The following ZBTB7C variants were observed in gnomAD, a reference collection of about 807,000 sequenced individuals.
The protein encoded by ZBTB7C is zinc finger and BTB domain-containing protein 7C.
In ZBTB7C, 8 loss-of-function variants were observed where a neutral mutation model predicts 25.7. The ratio of observed to expected loss-of-function variants is 0.31; its 90% CI spans 0.18 to 0.56. The LOEUF (loss-of-function observed/expected upper bound fraction) is 0.56, where lower values mean the gene tolerates loss of function less well. Among genes scored for constraint, ZBTB7C ranks in the 20% least tolerant of loss-of-function variants. The pLI is 0.91. For synonymous variants in ZBTB7C, 394 were observed against 369.0 expected, an observed-to-expected ratio of 1.07 and a Z score of -0.78; for missense variants, 824 against 855.2, an observed-to-expected ratio of 0.96 and a Z score of 0.46.
chr18:48,403,427 AT>A (rs1214804589), intron 1 of ZBTB7C, among the ~76,000 whole-genome samples: 1 of 152,230 alleles, frequency 6.6e-6, no homozygotes, highest in East Asian at 1.9e-4. Flanking sequence ...AACAAGCTTC[AT>A]TTCTGCCTCT....
chr18:48,093,663 A>T (rs1422610550), intron 3 of ZBTB7C, among the ~76,000 whole-genome samples: 2 of 152,178 alleles, frequency 1.3e-5, no homozygotes, highest in Admixed American at 1.3e-4. Context: ...TAACCACAGG[A>T]GTTCATAGAA....
intron 1 of ZBTB7C, among the ~76,000 whole-genome samples, chr18:48,368,336 G>A (rs1174213128): frequency 2.0e-5 from 3 of 151,314 alleles, no homozygotes; most frequent in Admixed American, 2.0e-4. Context: ...TGATGAGCTC[G>A]ATAGCCAAAT....
intron 1 of ZBTB7C, among the ~76,000 whole-genome samples, chr18:48,384,296 C>T (rs1275144455): frequency 1.3e-5 from 2 of 152,338 alleles, no homozygotes; most frequent in East Asian, 3.9e-4. Context: ...GCAAGCATAG[C>T]TTTAAGACAA....
At chr18:48,347,228 C>T (rs1369979945) in intron 1 of ZBTB7C, among the ~76,000 whole-genome samples, 1 of 132,474 alleles carries the variant, frequency 7.5e-6, no homozygotes, top group Non-Finnish European at 1.7e-5. Flanking sequence ...GCCACGGCCT[C>T]CCAAGTAGCT....
intron 1 of ZBTB7C, among the ~76,000 whole-genome samples, chr18:48,369,944 T>C (rs2145155061): frequency 6.6e-6 from 1 of 152,312 alleles, no homozygotes; most frequent in African/African-American, 2.4e-5. Flanking sequence ...AGAATATGCA[T>C]TATTCTCAGG....
chr18:48,232,236 G>A (rs7242682), intron 2 of ZBTB7C, among the ~76,000 whole-genome samples: 2,558 of 152,306 alleles, frequency 0.017, 28 homozygotes, highest in South Asian at 0.038. Flanking sequence ...TTGGAGTGGT[G>A]CATCCATCAG....
intron 3 of ZBTB7C, among the ~76,000 whole-genome samples, chr18:48,063,024 A>G (rs2037182280): frequency 6.6e-6 from 1 of 152,186 alleles, no homozygotes; most frequent in Admixed American, 6.5e-5. Flanking sequence ...CCAGCCAGCA[A>G]CCAGAAAGGA....
At chr18:48,143,136 C>T (rs1262405416) in intron 3 of ZBTB7C, among the ~76,000 whole-genome samples, 1 of 152,076 alleles carries the variant, frequency 6.6e-6, no homozygotes, top group Non-Finnish European at 1.5e-5. Context: ...TCATTTGTTC[C>T]CCACCCTCAG....
chr18:48,167,637 C>T (rs1401808041), intron 3 of ZBTB7C, among the ~76,000 whole-genome samples: 1 of 151,378 alleles, frequency 6.6e-6, no homozygotes, highest in Non-Finnish European at 1.5e-5. Flanking sequence ...GACTCTGGGT[C>T]CTTCCAAGAA....
At chr18:48,273,354 C>A (rs2044547376) in intron 2 of ZBTB7C, among the ~76,000 whole-genome samples, 3 of 150,644 alleles carry the variant, frequency 2.0e-5, no homozygotes, top group Admixed American at 6.6e-5. Context: ...TAGAGATGGA[C>A]AATTAAGAAA....
Position 48,355,106 on chromosome 18 carries a change from T to C in ZBTB7C, c.-303-16708A>G, listed in dbSNP as rs56776794. Reference sequence around the variant, plus strand: ...AGAGCCATGCCAATCCCCCCTGCAGTGAGCTAGCACAGTGCATTCAGGTTA... The same window carrying C: ...AGAGCCATGCCAATCCCCCCTGCAGCGAGCTAGCACAGTGCATTCAGGTTA... On this transcript the variant is annotated intron_variant, in intron 1 of 4. Coordinates refer to ENST00000590800, the MANE Select transcript of ZBTB7C (RefSeq NM_001318841.2). 6.2e-3 allele frequency among the ~76,000 whole-genome samples: 941 copies of C among 152,308 alleles called. 6 individuals carry two copies. Among genetic ancestry groups the C allele is most frequent in the African/African-American group, 0.021 (860 of 41,556 alleles).
chr18:48,407,125 C>T (rs1352589092), intron 1 of ZBTB7C, among the ~76,000 whole-genome samples: 1 of 152,210 alleles, frequency 6.6e-6, no homozygotes, highest in Non-Finnish European at 1.5e-5. Flanking sequence ...CAGATAATTG[C>T]TCATCTTTCT....
intron 1 of ZBTB7C, among the ~76,000 whole-genome samples, chr18:48,343,833 G>A (rs890642933): frequency 6.6e-6 from 1 of 152,068 alleles, no homozygotes; most frequent in African/African-American, 2.4e-5. Flanking sequence ...GCCCACAGCT[G>A]CCTGCCACCT....
chr18:48,230,566 T>G (rs2043224133), intron 2 of ZBTB7C, among the ~76,000 whole-genome samples: 1 of 152,180 alleles, frequency 6.6e-6, no homozygotes, highest in African/African-American at 2.4e-5. Context: ...TAATTGGTGC[T>G]CAGCTCAGGT....
At chr18:48,159,358 C>T (rs1024397358) in intron 3 of ZBTB7C, among the ~76,000 whole-genome samples, 18 of 152,082 alleles carry the variant, frequency 1.2e-4, no homozygotes, top group African/African-American at 2.9e-4. Flanking sequence ...AGGGATCTTA[C>T]GAGGATTCAA....
At chr18:48,244,599 A>G (rs1318688126) in intron 2 of ZBTB7C, among the ~76,000 whole-genome samples, 1 of 152,202 alleles carries the variant, frequency 6.6e-6, no homozygotes, top group Non-Finnish European at 1.5e-5. Flanking sequence ...CAGCAAGAAA[A>G]AAGCAATTAA....
chr18:48,116,458 C>T (rs1413892302), intron 3 of ZBTB7C, among the ~76,000 whole-genome samples: 4 of 152,212 alleles, frequency 2.6e-5, no homozygotes, highest in Admixed American at 2.6e-4. Flanking sequence ...GCATCCACAC[C>T]AAATGCTGGA....
At chr18:48,240,451 A>G (rs1182581524) in intron 2 of ZBTB7C, among the ~76,000 whole-genome samples, 1 of 152,226 alleles carries the variant, frequency 6.6e-6, no homozygotes, top group Non-Finnish European at 1.5e-5. Context: ...AGGCAAAAGC[A>G]TCAGGTAACC....
chr18:48,285,357 G>C (rs2045012344), intron 2 of ZBTB7C, among the ~76,000 whole-genome samples: 1 of 152,122 alleles, frequency 6.6e-6, no homozygotes, highest in Non-Finnish European at 1.5e-5. Context: ...ATATGTCCTA[G>C]CAGACTGTAC....
Sources: allele counts gnomAD v4.1 joint callset (sites outside exome capture counted in the v4.1 genomes callset), GRCh38; gene constraint gnomAD v4.1.1; transcripts MANE v1.5; gene names NCBI Gene and HGNC (gene_info 2026-07-23, HGNC 2026-07-21).